The following PKP4 variants were observed in gnomAD, a reference collection of about 807,000 sequenced individuals.
PKP4 encodes the protein plakophilin-4.
In PKP4, 90 loss-of-function variants were observed where a neutral mutation model predicts 145.1. That is an observed-to-expected ratio of 0.62 (90% CI 0.52 to 0.74). PKP4 has a LOEUF of 0.74. PKP4 is among the 30% of genes least tolerant of loss of function. PKP4 has a pLI of 0.00. For synonymous variants in PKP4, 563 were observed against 577.2 expected, an observed-to-expected ratio of 0.98 and a Z score of 0.35; for missense variants, 1,340 against 1,482.7, an observed-to-expected ratio of 0.90 and a Z score of 1.58.
intron 4 of PKP4, among the ~76,000 whole-genome samples, chr2:158,604,088 C>T (rs1044201083): frequency 4.6e-5 from 7 of 152,180 alleles, no homozygotes; most frequent in Admixed American, 1.3e-4. Context: ...TAACACAAGG[C>T]AAGTCACACC....
At chr2:158,547,511 G>A in intron 2 of PKP4, among the ~76,000 whole-genome samples, 1 of 152,192 alleles carries the variant, frequency 6.6e-6, no homozygotes. Flanking sequence ...AACAAAGGGA[G>A]GGGCAGTACT....
chr2:158,533,483 G>T, intron 2 of PKP4, 167 bp downstream of exon 2: 1 of 767,656 alleles, frequency 1.3e-6, no homozygotes, highest in African/African-American at 1.7e-5. Flanking sequence ...ATGTAGAGCC[G>T]CTCCAGGTGC....
intron 1 of PKP4, among the ~76,000 whole-genome samples, chr2:158,532,145 T>G (rs2043609743): frequency 6.6e-6 from 1 of 152,182 alleles, no homozygotes. Flanking sequence ...AATTGAAGAC[T>G]GTGGAAGTTA....
intron 1 of PKP4, among the ~76,000 whole-genome samples, chr2:158,469,806 T>C (rs1017275165): frequency 3.3e-5 from 5 of 152,248 alleles, no homozygotes; most frequent in South Asian, 2.1e-4. Context: ...TTGAATGATA[T>C]AACCTCAGCA....
intron 1 of PKP4, among the ~76,000 whole-genome samples, chr2:158,497,202 C>T (rs1236554122): frequency 6.6e-6 from 1 of 152,146 alleles, no homozygotes; most frequent in Admixed American, 6.5e-5. Flanking sequence ...AACAGAGCTT[C>T]CACCCTGCAG....
intron 3 of PKP4, chr2:158,588,229 T>TG (rs2048968991): frequency 1.3e-5 from 2 of 152,172 alleles, no homozygotes; most frequent in South Asian, 4.1e-4. Flanking sequence ...TTCTAGATCT[T>TG]GCTGGTTTGA....
At chr2:158,538,163 T>C (rs2044220209) in intron 2 of PKP4, among the ~76,000 whole-genome samples, 1 of 152,216 alleles carries the variant, frequency 6.6e-6, no homozygotes, top group Non-Finnish European at 1.5e-5. Flanking sequence ...ATTCGCTGCT[T>C]ATCCAGAGCC....
At chr2:158,617,077 A>G (rs2051702717) in intron 4 of PKP4, among the ~76,000 whole-genome samples, 1 of 152,210 alleles carries the variant, frequency 6.6e-6, no homozygotes, top group Non-Finnish European at 1.5e-5. Context: ...TATTTTCTAT[A>G]GATGCAATGT....
At chr2:158,518,578 G>A (rs1393703284) in intron 1 of PKP4, among the ~76,000 whole-genome samples, 1 of 152,216 alleles carries the variant, frequency 6.6e-6, no homozygotes, top group Non-Finnish European at 1.5e-5. Flanking sequence ...CAGAAGGTAT[G>A]TAGGTTTAAT....
At chr2:158,502,994 G>T (rs1696812302) in intron 1 of PKP4, among the ~76,000 whole-genome samples, 1 of 152,132 alleles carries the variant, frequency 6.6e-6, no homozygotes, top group Admixed American at 6.5e-5. Context: ...AAAGACTTTA[G>T]GCCTGTAATA....
At position 158,678,666 on chromosome 2, in the gene PKP4, A is replaced by G. The variant is rs1224564551; in HGVS notation, c.3330+12A>G. 8 of 1,510,896 alleles carry G rather than the reference A, an allele frequency of 5.3e-6. No homozygotes were observed. Among genetic ancestry groups the G allele is most frequent in the Admixed American group, 3.3e-5 (2 of 59,868 alleles). The allele number at this position is 1,510,896 out of a possible 1,614,324, so 93.6% of individuals were successfully genotyped here. On this transcript the variant is annotated intron_variant, in intron 21 of 21. Coordinates refer to ENST00000389759, the MANE Select transcript of PKP4 (RefSeq NM_003628.6). The stretch of plus-strand genomic sequence containing the variant: ...ATAGACGGCTACAGGTGAATTTGCA[A>G]TATCATTTTTACAGAAGGCTGATTA...
chr2:158,625,886 G>A (rs1187647469), intron 7 of PKP4, among the ~76,000 whole-genome samples: 1 of 152,080 alleles, frequency 6.6e-6, no homozygotes, highest in Non-Finnish European at 1.5e-5. Context: ...ACTAGACTAT[G>A]AATTTTATCC....
chr2:158,523,268 A>C (rs1390253642), intron 1 of PKP4, among the ~76,000 whole-genome samples: 2 of 145,474 alleles, frequency 1.4e-5, no homozygotes, highest in African/African-American at 5.1e-5. Flanking sequence ...TTCTCCCAGC[A>C]CGCAGATGGA....
intron 2 of PKP4, among the ~76,000 whole-genome samples, chr2:158,574,175 ATAT>A (rs2047648192): frequency 6.6e-6 from 1 of 152,220 alleles, no homozygotes. Context: ...TTTTCATAGT[ATAT>A]TAGTAGCCTT....
intron 11 of PKP4, among the ~76,000 whole-genome samples, chr2:158,647,524 A>G (rs940242456): frequency 1.3e-5 from 2 of 152,206 alleles, no homozygotes; most frequent in Admixed American, 6.5e-5. Flanking sequence ...TTTAAACACA[A>G]TAACTGCCCA....
At chr2:158,459,851 C>T (rs1422402856) in intron 1 of PKP4, among the ~76,000 whole-genome samples, 1 of 152,010 alleles carries the variant, frequency 6.6e-6, no homozygotes, top group Non-Finnish European at 1.5e-5. Context: ...GATAGTTTTG[C>T]CTGCTTCAGG....
chr2:158,601,396 G>A (rs2050216158), intron 3 of PKP4, among the ~76,000 whole-genome samples: 1 of 152,114 alleles, frequency 6.6e-6, no homozygotes, highest in African/African-American at 2.4e-5. Context: ...AACAGAGTTG[G>A]GTAATACCAA....
chr2:158,640,819 C>T (rs1053694010), intron 10 of PKP4, 60 bp downstream of exon 10: 9 of 1,569,428 alleles, frequency 5.7e-6, no homozygotes, highest in African/African-American at 4.1e-5. Flanking sequence ...TTAACAGCCA[C>T]GTGCTTCTGT....
At position 158,640,534 on chromosome 2, in the gene PKP4, C is replaced by T. The variant is rs559706158; in HGVS notation, c.1563-93C>T. ...TTTTTGTAACTTCCCATTTTTGTCT[C>T]AGCTGAGCTTTTTTTCCTTATACCA... On this transcript the variant is annotated intron_variant, in intron 9 of 21. Coordinates refer to ENST00000389759, the MANE Select transcript of PKP4 (RefSeq NM_003628.6). 1.0e-5 allele frequency: 14 copies of T among 1,380,126 alleles called. No homozygotes were observed. In the African/African-American group the frequency reaches 1.5e-4, roughly 14 times the overall value. 85.5% of individuals were successfully genotyped at this position (1,380,126 alleles called of 1,614,324 possible). A position where few individuals can be genotyped will look rare whatever the true frequency, so the allele number is the denominator to read the frequency against.
Sources: gnomAD v4.1 joint callset for allele counts (sites outside exome capture counted in the v4.1 genomes callset) on GRCh38, gnomAD v4.1.1 for gene constraint, MANE v1.5 for transcripts, NCBI Gene and HGNC (gene_info 2026-07-23, HGNC 2026-07-21) for gene names.